The following TESMIN variants were observed in gnomAD, a reference collection of about 807,000 sequenced individuals.
TESMIN encodes the protein CXC domain containing 2.
Under a neutral mutation model 47.4 loss-of-function variants are expected in TESMIN, and 34 were observed. That is an observed-to-expected ratio of 0.72 (90% CI 0.55 to 0.96). The LOEUF is 0.96. Ranked by LOEUF, TESMIN falls within the 40% of genes least tolerant of loss-of-function variation. TESMIN has a pLI of 0.00. For synonymous variants in TESMIN, 278 were observed against 258.9 expected (o/e 1.07, Z -0.71); for missense variants, 610 against 637.2 (o/e 0.96, Z 0.46).
At position 68,715,955 on chromosome 11, in the gene TESMIN, C is replaced by T. The variant is rs375223373; in HGVS notation, c.918-16G>A. ...GTCACAGTACCTGTGAAGGAAAGGA[C>T]AGAGTGAGTGGCAGGCACAGACGGC... On this transcript the variant is annotated splice_polypyrimidine_tract_variant and intron_variant, in intron 6 of 9. Coordinates refer to ENST00000255087, the MANE Select transcript of TESMIN (RefSeq NM_004923.3). The T allele has an allele frequency of 4.7e-5, 72 of 1,542,508 alleles. No individual in the cohort carries two copies. The African/African-American group carries it at 7.5e-4, about 16-fold the overall frequency.
intron 6 of TESMIN, chr11:68,737,165 C>T (rs199544838): frequency 2.0e-5 from 20 of 985,300 alleles, no homozygotes; most frequent in Non-Finnish European, 2.4e-5. Context: ...TTGTTTGGTC[C>T]AGAAATGTTA....
intron 6 of TESMIN, among the ~76,000 whole-genome samples, chr11:68,717,016 G>A (rs563597276): frequency 1.3e-5 from 2 of 152,330 alleles, no homozygotes; most frequent in East Asian, 3.9e-4. Flanking sequence ...CAGCCTCCCA[G>A]TCCCAAAGCG....
chr11:68,748,177 A>G (rs1384203938), intron 2 of TESMIN, among the ~76,000 whole-genome samples: 2 of 152,232 alleles, frequency 1.3e-5, no homozygotes, highest in African/African-American at 4.8e-5. Flanking sequence ...GACCTCAAAT[A>G]AAAATCACAG....
rs769595019 is a variant in TESMIN at position 68,711,053 on chromosome 11, G to T, written c.1159-4C>A. 1.3e-6 allele frequency: 2 copies of T among 1,591,864 alleles called. No individual in the cohort carries two copies. The highest frequency in any genetic ancestry group is 4.5e-5 in the East Asian group (2 of 44,580). On this transcript the variant is annotated splice_polypyrimidine_tract_variant and splice_region_variant and intron_variant, in intron 8 of 9. Transcript: ENST00000255087. Reference sequence around the variant, plus strand: ...TAGAAGAACACATAATTTGGGCCTGGTAATATAAAATGCTTCAATAAAATT... The same window carrying T: ...TAGAAGAACACATAATTTGGGCCTGTTAATATAAAATGCTTCAATAAAATT...
chr11:68,728,172 A>T (rs7930683), intron 6 of TESMIN, among the ~76,000 whole-genome samples: 2 of 152,218 alleles, frequency 1.3e-5, no homozygotes, highest in East Asian at 3.9e-4. Flanking sequence ...TTAGTGAGGA[A>T]GGCATGTCGA....
chr11:68,723,943 C>G (rs1036477371), intron 6 of TESMIN, among the ~76,000 whole-genome samples: 4 of 152,114 alleles, frequency 2.6e-5, no homozygotes, highest in African/African-American at 9.7e-5. Flanking sequence ...CAAGTTTTTT[C>G]AAACGTTCAA....
intron 6 of TESMIN, among the ~76,000 whole-genome samples, chr11:68,718,045 G>A (rs537280979): frequency 2.9e-4 from 44 of 152,208 alleles, no homozygotes; most frequent in South Asian, 2.1e-3. Flanking sequence ...ACCCTGTGGT[G>A]AAGCTACAGT....
At chr11:68,712,460 A>G (rs556548636) in intron 8 of TESMIN, among the ~76,000 whole-genome samples, 3 of 152,294 alleles carry the variant, frequency 2.0e-5, no homozygotes, top group Non-Finnish European at 4.4e-5. Context: ...TGAAAAGTAT[A>G]ATTCACAGGA....
chr11:68,720,827 T>A (rs1034695441), intron 6 of TESMIN, among the ~76,000 whole-genome samples: 2 of 152,210 alleles, frequency 1.3e-5, no homozygotes, highest in African/African-American at 4.8e-5. Flanking sequence ...GTGGAATTTT[T>A]AAAAATACAA....
intron 6 of TESMIN, among the ~76,000 whole-genome samples, chr11:68,722,859 A>G (rs965061202): frequency 1.3e-5 from 2 of 152,218 alleles, no homozygotes; most frequent in South Asian, 2.1e-4. Flanking sequence ...ATTCACCAAA[A>G]AGATGTAGCA....
intron 2 of TESMIN, among the ~76,000 whole-genome samples, chr11:68,749,172 CTG>C (rs1303474614): frequency 2.0e-5 from 3 of 152,254 alleles, no homozygotes; most frequent in African/African-American, 7.2e-5. Flanking sequence ...AGAAAGACCT[CTG>C]TCCTGGGAAA....
At chr11:68,748,030 C>T (rs1946543895) in intron 2 of TESMIN, among the ~76,000 whole-genome samples, 1 of 152,136 alleles carries the variant, frequency 6.6e-6, no homozygotes, top group African/African-American at 2.4e-5. Flanking sequence ...CCACGCTTTG[C>T]ATCCTCCCCT....
chr11:68,750,220 T>TCC lies in TESMIN; in HGVS notation c.439_440dup (p.Ala148GlufsTer9), dbSNP rs763115758. 2.1e-5 allele frequency: 32 copies of TCC among 1,502,964 alleles called. No homozygotes were observed. Among genetic ancestry groups the TCC allele is most frequent in the Non-Finnish European group, 2.8e-5 (32 of 1,137,732 alleles). 93.1% of individuals were successfully genotyped at this position (1,502,964 alleles called of 1,614,324 possible). A position where few individuals can be genotyped will look rare whatever the true frequency, so the allele number is the denominator to read the frequency against. On this transcript the variant is annotated frameshift_variant, in exon 2 of 10. Transcript: ENST00000255087. LOFTEE classifies it high-confidence loss of function. ...TCATGCGGACGCCCGGGTGGGAGGC[T>TCC]CCTTCCAGGACCCAGGCGCCCAGGG...
At chr11:68,734,178 A>C (rs1946361013) in intron 6 of TESMIN, among the ~76,000 whole-genome samples, 1 of 152,252 alleles carries the variant, frequency 6.6e-6, no homozygotes, top group African/African-American at 2.4e-5. Flanking sequence ...TAACAATATC[A>C]AAGCATGTTA....
At chr11:68,747,487 C>T (rs951917596) in intron 2 of TESMIN, 121 bp from the exon 3 acceptor site, 1 of 878,384 alleles carries the variant, frequency 1.1e-6, no homozygotes, top group African/African-American at 1.7e-5. Flanking sequence ...CCTGTCTCTA[C>T]TAGGCATGGT....
chr11:68,711,874 C>T (rs1946077342), intron 8 of TESMIN, among the ~76,000 whole-genome samples: 2 of 152,186 alleles, frequency 1.3e-5, no homozygotes, highest in African/African-American at 2.4e-5. Flanking sequence ...CCCAGCAAGC[C>T]CCCTCTTGCC....
intron 8 of TESMIN, 123 bp downstream of exon 8, chr11:68,713,147 T>C: frequency 9.7e-7 from 1 of 1,033,150 alleles, no homozygotes. Context: ...TTCTAGAAAC[T>C]CTGGAAGAAA....
At chr11:68,712,546 C>T (rs1243168712) in intron 8 of TESMIN, among the ~76,000 whole-genome samples, 1 of 152,202 alleles carries the variant, frequency 6.6e-6, no homozygotes, top group Non-Finnish European at 1.5e-5. Context: ...CTGATAGGGC[C>T]TAAGGGTTCC....
intron 4 of TESMIN, 163 bp downstream of exon 4, chr11:68,744,824 TATAG>T (rs1946498208): frequency 1.9e-6 from 1 of 540,534 alleles, no homozygotes; most frequent in Non-Finnish European, 3.1e-6. Context: ...AAAATTAGTC[TATAG>T]ATATACATTT....
Sources: allele counts gnomAD v4.1 joint callset (sites outside exome capture counted in the v4.1 genomes callset), GRCh38; gene constraint gnomAD v4.1.1; transcripts MANE v1.5; gene names NCBI Gene and HGNC (gene_info 2026-07-23, HGNC 2026-07-21).